NWD2: variants seen among roughly 807,000 people sequenced by gnomAD.
The protein encoded by NWD2 is NACHT and WD repeat domain containing 2.
A neutral mutation model predicts 132.7 loss-of-function variants in NWD2; 37 were observed. The observed-to-expected ratio is 0.28, with a 90% CI of 0.21 to 0.37. The LOEUF (loss-of-function observed/expected upper bound fraction) is 0.37, where lower values mean the gene tolerates loss of function less well. NWD2 is among the 10% of genes least tolerant of loss of function. NWD2 has a pLI of 1.00. For missense variants in NWD2, 1,592 were observed against 2,122.4 expected, an observed-to-expected ratio of 0.75 and a Z score of 4.91; for synonymous variants, 705 against 803.0, an observed-to-expected ratio of 0.88 and a Z score of 2.06.
intron 1 of NWD2, among the ~76,000 whole-genome samples, chr4:37,323,531 C>T (rs13121065): frequency 0.18 from 27,545 of 151,902 alleles, 2,763 homozygotes; most frequent in Non-Finnish European, 0.22. Context: ...ACTAAAAAGT[C>T]CAAAAACAAC....
chr4:37,332,672 G>A (rs1478162624), intron 2 of NWD2, among the ~76,000 whole-genome samples: 2 of 152,194 alleles, frequency 1.3e-5, no homozygotes, highest in African/African-American at 4.8e-5. Context: ...CAGCTGTGGT[G>A]GCTATAGGGA....
At chr4:37,383,795 A>C (rs971283011) in intron 3 of NWD2, among the ~76,000 whole-genome samples, 2 of 152,136 alleles carry the variant, frequency 1.3e-5, no homozygotes, top group Non-Finnish European at 2.9e-5. Flanking sequence ...GTAAGTTTGC[A>C]AAAGTTTTCT....
At chr4:37,295,130 G>A (rs1718448287) in intron 1 of NWD2, among the ~76,000 whole-genome samples, 1 of 152,062 alleles carries the variant, frequency 6.6e-6, no homozygotes, top group Admixed American at 6.6e-5. Context: ...ATAGCTCTCT[G>A]CTTAAGAGGA....
chr4:37,433,910 C>T lies in NWD2; in HGVS notation c.596C>T (p.Thr199Ile). ...QPSTNAENEK[T>I]WQEISDEIKK... ...TCTACCAATGCTGAAAACGAGAAGA[C>T]ATGGCAAGAGATATCAGATGAGATC... Residue 199 changes from threonine to isoleucine, a missense_variant, in exon 5 of 7, where the codon ACA becomes ATA. By Grantham distance (89) the Thr-to-Ile change is moderately conservative. This residue lies in a region of NWD2 where 144 missense variants were observed against 185.7 expected (regional missense o/e 0.78). Coordinates refer to ENST00000309447, the MANE Select transcript of NWD2 (RefSeq NM_001144990.2). 5 of 1,546,556 alleles carry T rather than the reference C, an allele frequency of 3.2e-6. No homozygotes were observed. Among genetic ancestry groups the T allele is most frequent in the Non-Finnish European group, 4.4e-6 (5 of 1,143,964 alleles).
chr4:37,331,758 A>G (rs1419599140), intron 2 of NWD2, among the ~76,000 whole-genome samples: 6 of 152,224 alleles, frequency 3.9e-5, no homozygotes, highest in African/African-American at 7.2e-5. Flanking sequence ...TTTTAACTTC[A>G]TGTCACTGGA....
chr4:37,286,776 A>T (rs1433169586), intron 1 of NWD2, among the ~76,000 whole-genome samples: 1 of 152,138 alleles, frequency 6.6e-6, no homozygotes, highest in Non-Finnish European at 1.5e-5. Flanking sequence ...GTTCCTAAGG[A>T]GGGTCTTAAT....
chr4:37,250,478 G>A (rs984756769), intron 1 of NWD2, among the ~76,000 whole-genome samples: 2 of 152,156 alleles, frequency 1.3e-5, no homozygotes, highest in African/African-American at 4.8e-5. Flanking sequence ...TTCCCAATTT[G>A]TAAAAGAAGT....
intron 2 of NWD2, among the ~76,000 whole-genome samples, chr4:37,327,493 G>A (rs145985605): frequency 8.3e-4 from 126 of 152,238 alleles, no homozygotes; most frequent in Non-Finnish European, 1.4e-3. Context: ...AGTGGGCAGG[G>A]AAGATGTAAA....
chr4:37,247,457 A>G (rs1435526632), intron 1 of NWD2, among the ~76,000 whole-genome samples: 15 of 152,240 alleles, frequency 9.9e-5, no homozygotes, highest in Admixed American at 9.8e-4. Flanking sequence ...GTTCTAAATA[A>G]AAGCTGCTTT....
chr4:37,352,874 G>C (rs113437582), intron 2 of NWD2, among the ~76,000 whole-genome samples: 1,970 of 152,240 alleles, frequency 0.013, 44 homozygotes, highest in African/African-American at 0.044. Flanking sequence ...ATATTGTTAT[G>C]TGTGAATTTC....
At chr4:37,273,336 G>A (rs180820875) in intron 1 of NWD2, among the ~76,000 whole-genome samples, 28 of 152,050 alleles carry the variant, frequency 1.8e-4, no homozygotes, top group Non-Finnish European at 3.5e-4. Flanking sequence ...GACAAACAAG[G>A]CCATTACATA....
Position 37,325,957 on chromosome 4 carries a change from C to G in NWD2, c.173C>G (p.Ala58Gly), listed in dbSNP as rs539754619. The G allele has an allele frequency of 6.5e-7, 1 of 1,546,966 alleles. No individual in the cohort carries two copies. The highest frequency in any genetic ancestry group is 1.4e-5 in the African/African-American group (1 of 72,804). The change falls in exon 2 of 7, where the codon GCG becomes GGG. Residue 58 changes from alanine to glycine, a missense_variant. This residue lies in a region of NWD2 where 88 missense variants were observed against 92.8 expected (regional missense o/e 0.95). Transcript: ENST00000309447. ...NPEDTGAERQ[A>G]LRENVYPKLR... ...ACAGATACGGGAGCAGAAAGACAGG[C>G]GCTAAGAGAAAATGTATATCCTAAA...
intron 1 of NWD2, among the ~76,000 whole-genome samples, 194 bp downstream of exon 1, chr4:37,245,412 C>T (rs1353530248): frequency 1.3e-5 from 2 of 152,140 alleles, no homozygotes; most frequent in East Asian, 1.9e-4. Flanking sequence ...GTTTTGCCTG[C>T]ACACTTCTAT....
chr4:37,418,293 A>G (rs1711685661), intron 3 of NWD2, among the ~76,000 whole-genome samples: 2 of 5,362 alleles, frequency 3.7e-4, no homozygotes, highest in Middle Eastern at 0.5. Context: ...CAATGAGTCC[A>G]TACTAATATA....
intron 1 of NWD2, among the ~76,000 whole-genome samples, chr4:37,317,733 C>T (rs1018816722): frequency 3.9e-5 from 6 of 152,134 alleles, no homozygotes; most frequent in Non-Finnish European, 8.8e-5. Flanking sequence ...TTGATTATTG[C>T]TTATTGGGAA....
intron 1 of NWD2, among the ~76,000 whole-genome samples, chr4:37,264,318 G>A (rs750237184): frequency 9.9e-5 from 15 of 152,206 alleles, no homozygotes; most frequent in Non-Finnish European, 2.1e-4. Flanking sequence ...TTTCCATTTG[G>A]TGGATGTGTG....
chr4:37,434,339 A>G (rs1263024226), intron 5 of NWD2, among the ~76,000 whole-genome samples: 1 of 152,188 alleles, frequency 6.6e-6, no homozygotes, highest in African/African-American at 2.4e-5. Flanking sequence ...AGCAAATATT[A>G]ATGGATCTAT....
chr4:37,269,604 C>A (rs1415672169), intron 1 of NWD2, among the ~76,000 whole-genome samples: 1 of 151,794 alleles, frequency 6.6e-6, no homozygotes, highest in Non-Finnish European at 1.5e-5. Flanking sequence ...TCATAGGTAC[C>A]TTTTACATTG....
chr4:37,255,164 C>T (rs1717489533), intron 1 of NWD2, among the ~76,000 whole-genome samples: 1 of 152,170 alleles, frequency 6.6e-6, no homozygotes. Flanking sequence ...CAGACTCACA[C>T]ATCTAAGAGG....
Sources: allele counts gnomAD v4.1 joint callset (sites outside exome capture counted in the v4.1 genomes callset), GRCh38; gene constraint gnomAD v4.1.1; regional missense constraint gnomAD v4.1.1; transcripts MANE v1.5; gene names NCBI Gene and HGNC (gene_info 2026-07-23, HGNC 2026-07-21).